Variants in RSRC1 observed in about 807,000 individuals in gnomAD.
RSRC1 encodes the protein arginine and serine rich coiled-coil 1, also known as serine/Arginine-related protein 53.
RSRC1 carries 39 observed loss-of-function variants against 49.1 expected under a neutral mutation model. That is an observed-to-expected ratio of 0.79 (90% confidence interval 0.61 to 1.04). RSRC1 has a LOEUF of 1.04. RSRC1 is among the 50% of genes least tolerant of loss of function. The pLI, the probability that RSRC1 is intolerant of heterozygous loss-of-function variation, is 0.00. For synonymous variants in RSRC1, 143 were observed against 130.8 expected (o/e 1.09, Z -0.63); for missense variants, 388 against 402.4 (o/e 0.96, Z 0.31).
chr3:158,363,796 T>C (rs1731612092), intron 6 of RSRC1, among the ~76,000 whole-genome samples: 1 of 152,222 alleles, frequency 6.6e-6, no homozygotes, highest in African/African-American at 2.4e-5. Flanking sequence ...TTTCCTTGAC[T>C]ATGTAGAGTG....
intron 4 of RSRC1, among the ~76,000 whole-genome samples, chr3:158,250,056 A>T (rs745354609): frequency 6.6e-6 from 1 of 152,208 alleles, no homozygotes; most frequent in Non-Finnish European, 1.5e-5. Context: ...AATAAGTGAG[A>T]ACATGTGAAG....
chr3:158,463,494 C>G (rs1737724775), intron 7 of RSRC1, among the ~76,000 whole-genome samples: 2 of 152,056 alleles, frequency 1.3e-5, no homozygotes, highest in Non-Finnish European at 2.9e-5. Flanking sequence ...CTGTAAGCCA[C>G]TAGTAATTCA....
At chr3:158,203,953 G>T (rs1298502325) in intron 4 of RSRC1, among the ~76,000 whole-genome samples, 1 of 152,104 alleles carries the variant, frequency 6.6e-6, no homozygotes, top group Admixed American at 6.6e-5. Context: ...ACAGCATCTT[G>T]TTTGTTTTAT....
intron 3 of RSRC1, among the ~76,000 whole-genome samples, chr3:158,187,753 G>A (rs114549540): frequency 0.016 from 2,379 of 152,014 alleles, 81 homozygotes; most frequent in African/African-American, 0.055. Flanking sequence ...TGCTTAACTT[G>A]TCTTAGTTAA....
chr3:158,127,081 A>T (rs4261830), intron 3 of RSRC1, among the ~76,000 whole-genome samples: 108,134 of 151,926 alleles, frequency 0.71, 39,209 homozygotes, highest in African/African-American at 0.83. Context: ...TTTGTTAATT[A>T]GATTATAATG....
chr3:158,443,500 G>A (rs1736499418), intron 6 of RSRC1, among the ~76,000 whole-genome samples: 1 of 152,132 alleles, frequency 6.6e-6, no homozygotes, highest in African/African-American at 2.4e-5. Flanking sequence ...CCTCACCTCT[G>A]TCAGCCTTCA....
At chr3:158,348,061 A>C (rs532450370) in intron 5 of RSRC1, among the ~76,000 whole-genome samples, 9 of 151,966 alleles carry the variant, frequency 5.9e-5, no homozygotes, top group South Asian at 2.1e-4. Flanking sequence ...ACCCTATCTT[A>C]ATTTCGATTT....
intron 6 of RSRC1, among the ~76,000 whole-genome samples, chr3:158,365,920 G>A (rs1052705201): frequency 1.3e-5 from 2 of 150,908 alleles, no homozygotes; most frequent in Non-Finnish European, 1.5e-5. Flanking sequence ...GCTTTTTTTT[G>A]TATGTTTGTT....
chr3:158,368,258 A>G (rs1350773645), intron 6 of RSRC1, among the ~76,000 whole-genome samples: 1 of 152,178 alleles, frequency 6.6e-6, no homozygotes, highest in African/African-American at 2.4e-5. Flanking sequence ...GGTCCTCTAT[A>G]TGGACTCTCT....
chr3:158,402,707 T>C (rs1449038415), intron 6 of RSRC1, among the ~76,000 whole-genome samples: 1 of 151,928 alleles, frequency 6.6e-6, no homozygotes, highest in Non-Finnish European at 1.5e-5. Flanking sequence ...TAACAGTTTC[T>C]CTTTAAGTTA....
intron 7 of RSRC1, among the ~76,000 whole-genome samples, chr3:158,490,390 AT>A (rs1739032496): frequency 6.6e-6 from 1 of 152,268 alleles, no homozygotes; most frequent in African/African-American, 2.4e-5. Flanking sequence ...GGCCCCTTCA[AT>A]TTTTTTAAAG....
chr3:158,256,899 G>T (rs1167661054), intron 4 of RSRC1, among the ~76,000 whole-genome samples: 6 of 152,130 alleles, frequency 3.9e-5, no homozygotes, highest in Non-Finnish European at 8.8e-5. Context: ...TTGTACTTCT[G>T]TGGGATCCAT....
At chr3:158,518,253 A>C (rs1192855085) in intron 7 of RSRC1, among the ~76,000 whole-genome samples, 1 of 148,680 alleles carries the variant, frequency 6.7e-6, no homozygotes, top group Non-Finnish European at 1.5e-5. Context: ...TTTAAAAAGC[A>C]AGATTGTGCT....
chr3:158,233,622 A>G (rs918054148), intron 4 of RSRC1, among the ~76,000 whole-genome samples: 4 of 152,158 alleles, frequency 2.6e-5, no homozygotes, highest in Admixed American at 1.3e-4. Context: ...GATAAATGCT[A>G]TGTGTTTTAG....
At chr3:158,493,340 A>G (rs1739167754) in intron 7 of RSRC1, among the ~76,000 whole-genome samples, 1 of 152,122 alleles carries the variant, frequency 6.6e-6, no homozygotes, top group Non-Finnish European at 1.5e-5. Context: ...TTTAAAATTT[A>G]GACTTTTAGT....
chr3:158,522,007 T>C (rs1711702628), intron 7 of RSRC1, among the ~76,000 whole-genome samples: 1 of 152,118 alleles, frequency 6.6e-6, no homozygotes, highest in South Asian at 2.1e-4. Flanking sequence ...CTTTTCTCTG[T>C]TTTTATAAAG....
chr3:158,154,194 A>G (rs1174553452), intron 3 of RSRC1, among the ~76,000 whole-genome samples: 1 of 152,168 alleles, frequency 6.6e-6, no homozygotes, highest in Non-Finnish European at 1.5e-5. Flanking sequence ...TTAAAAAACA[A>G]TGTACATACC....
At position 158,319,126 on chromosome 3, in the gene RSRC1, G is replaced by A. The variant is rs371187982; in HGVS notation, c.531+21051G>A. On this transcript the variant is annotated intron_variant, in intron 5 of 9. Transcript: ENST00000611884. ...AACACTAGATGTCTGATATGGTTTG[G>A]CTCCACATCCCCACCCAAATCTCAT... 1.1e-3 allele frequency among the ~76,000 whole-genome samples: 170 copies of A among 152,154 alleles called. 1 individual carries two copies. The highest frequency in any genetic ancestry group is 1.9e-3 in the Non-Finnish European group (131 of 68,014).
intron 5 of RSRC1, among the ~76,000 whole-genome samples, chr3:158,321,689 A>G (rs1728771399): frequency 6.6e-6 from 1 of 151,900 alleles, no homozygotes; most frequent in African/African-American, 2.4e-5. Context: ...AACTGCAATT[A>G]CTTTTGCACC....
Sources: allele counts gnomAD v4.1 joint callset (sites outside exome capture counted in the v4.1 genomes callset), GRCh38; gene constraint gnomAD v4.1.1; transcripts MANE v1.5; gene names NCBI Gene and HGNC (gene_info 2026-07-23, HGNC 2026-07-21).